KMT2A: variants seen among roughly 807,000 people sequenced by gnomAD.
KMT2A encodes lysine methyltransferase 2A.
A neutral mutation model predicts 345.3 loss-of-function variants in KMT2A; 16 were observed. That is an observed-to-expected ratio of 0.05 (90% CI 0.03 to 0.07). The LOEUF is 0.07. Ranked by LOEUF, KMT2A falls within the 10% of genes least tolerant of loss-of-function variation. The pLI, the probability that KMT2A is intolerant of heterozygous loss-of-function variation, is 1.00. For synonymous variants in KMT2A, 1,599 were observed against 1,778.6 expected (o/e 0.90, Z 2.54); for missense variants, 3,272 against 4,841.6 (o/e 0.68, Z 9.62).
In KMT2A at chr11:118,476,206, T is replaced by C. The variant is rs1555037489; in HGVS notation, c.3157-599T>C. Among the ~76,000 whole-genome samples, 2 of 152,196 alleles carry C rather than the reference T, an allele frequency of 1.3e-5. No individual in the cohort carries two copies. Among genetic ancestry groups the C allele is most frequent in the Admixed American group, 6.5e-5 (1 of 15,276 alleles). Reference sequence around the variant, plus strand: ...CAGGCGTGAGCCACCACCTATACTTTCATTTATAAGTTATTTCACCCCTAC... The same window carrying C: ...CAGGCGTGAGCCACCACCTATACTTCCATTTATAAGTTATTTCACCCCTAC... On this transcript the variant is annotated intron_variant, in intron 3 of 35. Coordinates refer to ENST00000534358, the MANE Select transcript of KMT2A (RefSeq NM_001197104.2). This position sits in a 1 kb window ranked among gnomAD's most constrained non-coding sequence, Gnocchi z 4.1.
chr11:118,474,146 C>G lies in KMT2A; in HGVS notation c.2987C>G (p.Ser996Cys). Reference sequence around the variant, plus strand: ...ACCCTCTGCCTTTCCACTCCTTCATCTAGCACTGTTAAACATTCCACTTCC... The same window carrying G: ...ACCCTCTGCCTTTCCACTCCTTCATGTAGCACTGTTAAACATTCCACTTCC... Reference protein sequence around the residue: ...EKTLCLSTPSSSTVKHSTSSI... With the variant: ...EKTLCLSTPSCSTVKHSTSSI... Residue 996 changes from serine (S) to cysteine (C), a missense_variant, in exon 3 of 36, where the codon TCT becomes TGT. Ser to Cys is a moderately radical substitution (Grantham distance 112). Transcript: ENST00000534358. 2 of 1,614,182 alleles carry G rather than the reference C, an allele frequency of 1.2e-6. No individual in the cohort carries two copies. The highest frequency in any genetic ancestry group is 1.7e-6 in the Non-Finnish European group (2 of 1,180,008).
intron 11 of KMT2A, among the ~76,000 whole-genome samples, chr11:118,488,998 A>G (rs1336621813): frequency 6.6e-6 from 1 of 152,164 alleles, no homozygotes; most frequent in Non-Finnish European, 1.5e-5. Flanking sequence ...TGGTGGGCGG[A>G]TCACTTGAAG....
At position 118,503,321 on chromosome 11, in the gene KMT2A, A is replaced by G; in HGVS notation, c.7429A>G (p.Met2477Val). 6.2e-7 allele frequency: 1 copy of G among 1,614,128 alleles called. No individual in the cohort carries two copies. The highest frequency in any genetic ancestry group is 8.5e-7 in the Non-Finnish European group (1 of 1,179,978). Residue 2477 changes from methionine to valine, a missense_variant, in exon 27 of 36, where the codon ATG becomes GTG. By Grantham distance (21) the Met-to-Val change is conservative. Coordinates refer to ENST00000534358, the MANE Select transcript of KMT2A (RefSeq NM_001197104.2). The surrounding 1 kb of genome is among the most constrained non-coding windows in gnomAD (Gnocchi z 5.3). ...FMDEVLTPEY[M>V]GQRPCNNVSS... The stretch of plus-strand genomic sequence containing the variant: ...GGATGAGGTTTTGACTCCTGAGTAT[A>G]TGGGCCAACGACCATGTAACAATGT...
intron 31 of KMT2A, chr11:118,512,226 C>G: frequency 1.7e-6 from 1 of 590,858 alleles, no homozygotes; most frequent in East Asian, 2.8e-5. Context: ...AGTTGTATAA[C>G]CACCACTACT....
rs200074613 is a variant in KMT2A, at chr11:118,458,054, A to AT, written c.433-10712dup. ...CAACCTGAGGGCATTCTCCCTATGC[A>AT]TTTTTTTTTGAGATGCTTTCAAATT... On this transcript the variant is annotated intron_variant, in intron 1 of 35. Transcript: ENST00000534358. 1.9e-3 allele frequency: 514 copies of AT among 268,554 alleles called. 1 individual carries two copies. The highest frequency in any genetic ancestry group is 3.6e-3 in the African/African-American group (154 of 43,076). 16.6% of individuals were successfully genotyped at this position (268,554 alleles called of 1,614,324 possible). A position where few individuals can be genotyped will look rare whatever the true frequency, so the allele number is the denominator to read the frequency against.
rs1950463227 is a variant in KMT2A, at chr11:118,499,426, A to G, written c.6079+6A>G. On this transcript the variant is annotated splice_donor_region_variant and intron_variant, in intron 23 of 35. Coordinates refer to ENST00000534358, the MANE Select transcript of KMT2A (RefSeq NM_001197104.2). ...AAATATCCACATGATGATTGGTATG[A>G]CCTAGCCTTGGTTATTGGGGAAGGC... 6.6e-7 allele frequency: 1 copy of G among 1,524,832 alleles called. No individual in the cohort carries two copies. The highest frequency in any genetic ancestry group is 1.7e-5 in the Admixed American group (1 of 59,388). 94.5% of individuals were successfully genotyped at this position (1,524,832 alleles called of 1,614,324 possible).
At chr11:118,437,831 G>A (rs1555139164) in intron 1 of KMT2A, among the ~76,000 whole-genome samples, 1 of 152,136 alleles carries the variant, frequency 6.6e-6, no homozygotes, top group African/African-American at 2.4e-5. Flanking sequence ...TTAGAGAAGA[G>A]CAGCTTTCCA....
In KMT2A at chr11:118,502,786, C is replaced by T. The variant is rs782004426; in HGVS notation, c.6894C>T (p.Asp2298=). 21 of 1,614,078 alleles carry T rather than the reference C, an allele frequency of 1.3e-5. No homozygotes were observed. In the Middle Eastern group the frequency reaches 8.2e-4, roughly 63 times the overall value. ...SSEMKQSSAS[D]LVSKSSSLKG... Reference sequence around the variant, plus strand: ...AAATGAAGCAGTCCAGTGCTTCAGACTTGGTGTCCAAGAGCTCCTCTTTAA... The same window carrying T: ...AAATGAAGCAGTCCAGTGCTTCAGATTTGGTGTCCAAGAGCTCCTCTTTAA... Residue 2298 remains aspartate (D), a synonymous_variant, in exon 27 of 36, where the codon GAC becomes GAT. Transcript: ENST00000534358. This position sits in a 1 kb window ranked among gnomAD's most constrained non-coding sequence, Gnocchi z 4.9.
In KMT2A at chr11:118,503,364, G is replaced by A. The variant is rs1950532173; in HGVS notation, c.7472G>A (p.Gly2491Asp). 1.2e-6 allele frequency: 2 copies of A among 1,614,126 alleles called. No homozygotes were observed. Among genetic ancestry groups the A allele is most frequent in the Non-Finnish European group, 1.7e-6 (2 of 1,180,026 alleles). ...PCNNVSSDKI[G>D]DKGLSMPGVP... is the part of the protein sequence containing the mutation. ...AACAATGTTTCTTCTGATAAGATTG[G>A]TGATAAAGGCCTTTCTATGCCAGGA... is the stretch of plus-strand genomic sequence containing the variant. Residue 2491 changes from glycine (G) to aspartate (D), a missense_variant, in exon 27 of 36, where the codon GGT becomes GAT. Gly to Asp is a moderately conservative substitution (Grantham distance 94, BLOSUM62 -1). Around this residue, in one of 27 missense-constraint regions of KMT2A, gnomAD observed 445 missense variants for 500.9 expected, o/e 0.89. Coordinates refer to ENST00000534358, the MANE Select transcript of KMT2A (RefSeq NM_001197104.2). This position sits in a 1 kb window ranked among gnomAD's most constrained non-coding sequence, Gnocchi z 5.3.
rs1555036846 is a variant in KMT2A, at chr11:118,474,129, C to G, written c.2970C>G (p.Cys990Trp). The G allele has an allele frequency of 6.2e-7, 1 of 1,614,220 alleles. No homozygotes were observed. The highest frequency in any genetic ancestry group is 8.5e-7 in the Non-Finnish European group (1 of 1,180,036). Reference sequence around the variant, plus strand: ...CCCTGGAGAAGGAGAAAACCCTCTGCCTTTCCACTCCTTCATCTAGCACTG... The same window carrying G: ...CCCTGGAGAAGGAGAAAACCCTCTGGCTTTCCACTCCTTCATCTAGCACTG... ...APSLEKEKTL[C>W]LSTPSSSTVK... Residue 990 changes from cysteine to tryptophan, a missense_variant, in exon 3 of 36, where the codon TGC (cysteine) becomes TGG (tryptophan). Transcript: ENST00000534358.
At chr11:118,444,409 G>A (rs2134177864) in intron 1 of KMT2A, among the ~76,000 whole-genome samples, 1 of 152,210 alleles carries the variant, frequency 6.6e-6, no homozygotes, top group South Asian at 2.1e-4. Flanking sequence ...TTTTATTTGT[G>A]CATATATAAA....
chr11:118,478,343 G>A, intron 5 of KMT2A, 142 bp downstream of exon 5: 1 of 645,110 alleles, frequency 1.6e-6, no homozygotes. Flanking sequence ...AGATTTTGTG[G>A]TGTGGGCTGT....
At position 118,495,983 on chromosome 11, in the gene KMT2A, T is replaced by C. The variant is rs534969722; in HGVS notation, c.5557+90T>C. 10 of 1,161,054 alleles carry C rather than the reference T, an allele frequency of 8.6e-6. No individual in the cohort carries two copies. The highest frequency in any genetic ancestry group is 1.5e-5 in the African/African-American group (1 of 64,874). The allele number at this position is 1,161,054 out of a possible 1,614,324, so 71.9% of individuals were successfully genotyped here. ...TCCAATTCACTAAAATTAGATATAC[T>C]TGGATATCAGAAAGGAATTTTCAGG... On this transcript the variant is annotated intron_variant, in intron 19 of 35. Coordinates refer to ENST00000534358, the MANE Select transcript of KMT2A (RefSeq NM_001197104.2). The surrounding 1 kb of genome is among the most constrained non-coding windows in gnomAD (Gnocchi z 4.1).
rs373345566 is a variant in KMT2A at position 118,506,180 on chromosome 11, T to G, written c.10288T>G (p.Cys3430Gly). The change falls in exon 27 of 36, where the codon TGT (cysteine) becomes GGT (glycine). Residue 3430 changes from cysteine (C) to glycine (G), a missense_variant. Cys to Gly is a radical substitution (Grantham distance 159). Coordinates refer to ENST00000534358, the MANE Select transcript of KMT2A (RefSeq NM_001197104.2). ...TAAITAASSI[C>G]VLPSTQTTGI... ...TGCAATAACAGCGGCATCTAGCATCTGTGTGCTCCCCTCCACTCAGACTAC... is the reference window on the plus strand; with the variant it reads ...TGCAATAACAGCGGCATCTAGCATCGGTGTGCTCCCCTCCACTCAGACTAC... 2.4e-5 allele frequency: 39 copies of G among 1,614,184 alleles called. 1 individual carries two copies. The highest frequency in any genetic ancestry group is 2.2e-4 in the East Asian group (10 of 44,884).
intron 7 of KMT2A, 84 bp from the exon 8 acceptor site, chr11:118,482,338 T>TC: frequency 1.0e-6 from 1 of 986,566 alleles, no homozygotes. Flanking sequence ...TTTTTTTTTT[T>TC]CTAATGGCCC....
chr11:118,488,395 TACTTTCTATTTCCACTGGTATTACC>T, intron 10 of KMT2A, 194 bp from the exon 11 acceptor site: 4 of 580,452 alleles, frequency 6.9e-6, no homozygotes, highest in South Asian at 5.4e-5. Context: ...TTTATTTTGT[TACTTTCTATTTCCACTGGTATTACC>T]ACTTTAGTAC....
Position 118,498,909 on chromosome 11 carries a change from C to T in KMT2A, c.5961+381C>T, listed in dbSNP as rs1243129813. Among the ~76,000 whole-genome samples the T allele has an allele frequency of 6.6e-6, 1 of 152,254 alleles. No homozygotes were observed. Among genetic ancestry groups the T allele is most frequent in the African/African-American group, 2.4e-5 (1 of 41,468 alleles). ...ATCCCTGCCTCTCCCCAACCCTGGG[C>T]AACCACTGATGTTTTTACTATCTCC... On this transcript the variant is annotated intron_variant, in intron 22 of 35. Coordinates refer to ENST00000534358, the MANE Select transcript of KMT2A (RefSeq NM_001197104.2). This position sits in a 1 kb window ranked among gnomAD's most constrained non-coding sequence, Gnocchi z 4.4.
At chr11:118,447,499 T>G in intron 1 of KMT2A, 1 of 199,710 alleles carries the variant, frequency 5.0e-6, no homozygotes, top group South Asian at 6.6e-5. Flanking sequence ...TGCGACATTT[T>G]TGTAAAGGTA....
In KMT2A at chr11:118,520,961, G is replaced by A; in HGVS notation, c.11513+76G>A. Reference sequence around the variant, plus strand: ...AAATCAAAGCAGACCAAATGCTGGAGTGACCTTCCTCACTCAGTAAGTGAG... The same window carrying A: ...AAATCAAAGCAGACCAAATGCTGGAATGACCTTCCTCACTCAGTAAGTGAG... On this transcript the variant is annotated intron_variant, in intron 34 of 35. Transcript: ENST00000534358. The surrounding 1 kb of genome is among the most constrained non-coding windows in gnomAD (Gnocchi z 4.3). 9.2e-7 allele frequency: 1 copy of A among 1,088,672 alleles called. No individual in the cohort carries two copies. Among genetic ancestry groups the A allele is most frequent in the East Asian group, 2.4e-5 (1 of 42,044 alleles). The allele number at this position is 1,088,672 out of a possible 1,614,324, so 67.4% of individuals were successfully genotyped here.
Sources: allele counts gnomAD v4.1 joint callset (sites outside exome capture counted in the v4.1 genomes callset), GRCh38; gene constraint gnomAD v4.1.1; regional missense constraint gnomAD v4.1.1; non-coding constraint Gnocchi (gnomAD v3.1); transcripts MANE v1.5; gene names NCBI Gene and HGNC (gene_info 2026-07-23, HGNC 2026-07-21).